CD1A: variants seen among roughly 807,000 people sequenced by gnomAD.
CD1A encodes the protein T-cell surface glycoprotein CD1a.
Under a neutral mutation model 38.3 loss-of-function variants are expected in CD1A, and 50 were observed. The ratio of observed to expected loss-of-function variants is 1.30; its 90% CI spans 1.04 to 1.65. The LOEUF (loss-of-function observed/expected upper bound fraction) is 1.65, where lower values mean the gene tolerates loss of function less well. Ranked by LOEUF, CD1A falls within the 40% of genes most tolerant of loss-of-function variation. CD1A has a pLI of 0.00. For synonymous variants in CD1A, 160 were observed against 150.8 expected (o/e 1.06, Z -0.45); for missense variants, 459 against 406.1 (o/e 1.13, Z -1.12).
At chr1:158,254,394 C>T (rs1315116874), upstream of CD1A, 93 of 1,288,664 alleles carry the variant, frequency 7.2e-5, no homozygotes, top group Non-Finnish European at 9.1e-5. Context: ...CAGACTTGTT[C>T]CATAGCAGTT....
intron 4 of CD1A, 90 bp downstream of exon 4, chr1:158,257,154 G>A (rs1650287565): frequency 6.9e-7 from 1 of 1,457,320 alleles, no homozygotes; most frequent in East Asian, 2.3e-5. Flanking sequence ...AGGATTTTAG[G>A]GATTATAGCC....
intron 3 of CD1A, 122 bp downstream of exon 3, chr1:158,256,404 C>T: frequency 1.0e-6 from 1 of 953,608 alleles, no homozygotes; most frequent in Non-Finnish European, 1.6e-6. Flanking sequence ...TGCAGTGCCT[C>T]ACATCTGTAA....
chr1:158,256,867 A>G lies in CD1A; in HGVS notation c.686A>G (p.Tyr229Cys), dbSNP rs764550515. ...LQLVCHVSGFYPKPVWVMWMR... is the reference protein window; with the variant it reads ...LQLVCHVSGFCPKPVWVMWMR... Reference sequence around the variant, plus strand: ...CTTGTGTGCCATGTCTCAGGATTCTACCCAAAGCCCGTGTGGGTGATGTGG... The same window carrying G: ...CTTGTGTGCCATGTCTCAGGATTCTGCCCAAAGCCCGTGTGGGTGATGTGG... Residue 229 changes from tyrosine (Y) to cysteine (C), a missense_variant, in exon 4 of 6, where the codon TAC becomes TGC. Tyr to Cys is a radical substitution (Grantham distance 194). Coordinates refer to ENST00000289429, the MANE Select transcript of CD1A (RefSeq NM_001763.3). The G allele has an allele frequency of 7.4e-6, 12 of 1,614,172 alleles. No individual in the cohort carries two copies. The highest frequency in any genetic ancestry group is 1.7e-5 in the Admixed American group (1 of 60,024).
At chr1:158,255,453 A>T (rs2269716) in intron 2 of CD1A, 103 bp downstream of exon 2, 98,507 of 1,232,952 alleles carry the variant, frequency 0.08, 6,646 homozygotes, top group East Asian at 0.34. Flanking sequence ...TCTGTATCTT[A>T]TTCTATTCTT....
chr1:158,256,188 T>A lies in CD1A; in HGVS notation c.510T>A (p.His170Gln). Reference protein sequence around the residue: ...HFCKVLNQNQHENDITHNLLS... With the variant: ...HFCKVLNQNQQENDITHNLLS... The stretch of plus-strand genomic sequence containing the variant: ...GCAAAGTGCTCAATCAGAATCAGCA[T>A]GAAAATGACATAACACACAATCTTC... The change falls in exon 3 of 6, where the codon CAT (histidine) becomes CAA (glutamine). Residue 170 changes from histidine (H) to glutamine (Q), a missense_variant. Coordinates refer to ENST00000289429, the MANE Select transcript of CD1A (RefSeq NM_001763.3). The A allele has an allele frequency of 6.2e-7, 1 of 1,614,178 alleles. No homozygotes were observed. The highest frequency in any genetic ancestry group is 8.5e-7 in the Non-Finnish European group (1 of 1,180,014).
At chr1:158,256,314 T>C (rs1230581525) in intron 3 of CD1A, 32 bp downstream of exon 3, 3 of 1,589,902 alleles carry the variant, frequency 1.9e-6, no homozygotes, top group East Asian at 2.2e-5. Flanking sequence ...CAAGAAGTTT[T>C]GATTTGAAAA....
rs1161444901 is a variant in CD1A at position 158,256,169 on chromosome 1, T to A, written c.491T>A (p.Val164Glu). 2 of 1,614,054 alleles carry A rather than the reference T, an allele frequency of 1.2e-6. No individual in the cohort carries two copies. The highest frequency in any genetic ancestry group is 1.7e-6 in the Non-Finnish European group (2 of 1,180,034). The change falls in exon 3 of 6, where the codon GTG (valine) becomes GAG (glutamate). Residue 164 changes from valine (V) to glutamate (E), a missense_variant. Transcript: ENST00000289429. ...AGNMAKHFCK[V>E]LNQNQHENDI... is the part of the protein sequence containing the mutation. ...AATATGGCCAAGCATTTCTGCAAAG[T>A]GCTCAATCAGAATCAGCATGAAAAT...
At chr1:158,255,963 T>C in intron 2 of CD1A, 41 bp from the exon 3 acceptor site, 2 of 1,569,454 alleles carry the variant, frequency 1.3e-6, no homozygotes, top group Non-Finnish European at 8.7e-7. Flanking sequence ...CATTTCATTT[T>C]ATATTTTTTT....
Position 158,256,098 on chromosome 1 carries a change from T to C in CD1A, c.420T>C (p.Phe140=), listed in dbSNP as rs1205908238. The C allele has an allele frequency of 2.5e-6, 4 of 1,614,076 alleles. No homozygotes were observed. The African/African-American group carries it at 5.3e-5, about 22-fold the overall frequency. ...AGTTAGCTTATCAAGGATCAGACTT[T>C]GTGAGCTTCCAGAACAATTCATGGT... ...FLQLAYQGSD[F]VSFQNNSWLP... Residue 140 remains phenylalanine, a synonymous_variant, in exon 3 of 6, where the codon TTT becomes TTC. Coordinates refer to ENST00000289429, the MANE Select transcript of CD1A (RefSeq NM_001763.3).
chr1:158,255,128 T>G lies in CD1A; in HGVS notation c.103T>G (p.Phe35Val), dbSNP rs768122492. The G allele has an allele frequency of 1.2e-6, 2 of 1,614,106 alleles. No individual in the cohort carries two copies. Among genetic ancestry groups the G allele is most frequent in the Non-Finnish European group, 8.5e-7 (1 of 1,180,006 alleles). Residue 35 changes from phenylalanine (F) to valine (V), a missense_variant, in exon 2 of 6, where the codon TTT (phenylalanine) becomes GTT (valine). Phe to Val is a conservative substitution (Grantham distance 50). Transcript: ENST00000289429. ...LSFHVTWIAS[F>V]YNHSWKQNLV... ...CTTCCATGTCACCTGGATCGCATCCTTTTACAACCATTCCTGGAAACAAAA... is the reference window on the plus strand; with the variant it reads ...CTTCCATGTCACCTGGATCGCATCCGTTTACAACCATTCCTGGAAACAAAA...
the CD1A span, chr1:158,248,545 T>TG: frequency 6.0e-6 from 2 of 330,972 alleles, no homozygotes; most frequent in Admixed American, 1.3e-4. Flanking sequence ...GACACCTGTC[T>TG]GATTGAGTTC....
At chr1:158,248,995 C>G in the CD1A span, among the ~76,000 whole-genome samples, 1 of 152,246 alleles carries the variant, frequency 6.6e-6, no homozygotes, top group African/African-American at 2.4e-5. Context: ...CTCCACTTCT[C>G]TTTCCAATCT....
At chr1:158,251,697 A>C (rs996141031), upstream of CD1A, among the ~76,000 whole-genome samples, 3 of 152,066 alleles carry the variant, frequency 2.0e-5, no homozygotes, top group African/African-American at 7.2e-5. Flanking sequence ...TTTGTCATGT[A>C]AGTGTTCCTG....
In CD1A at chr1:158,257,853, C is replaced by A. The variant is rs1414036274; in HGVS notation, c.*163C>A. The A allele has an allele frequency of 1.5e-6, 1 of 652,716 alleles. No homozygotes were observed. The highest frequency in any genetic ancestry group is 2.6e-5 in the East Asian group (1 of 39,118). The allele number at this position is 652,716 out of a possible 1,614,324, so 40.4% of individuals were successfully genotyped here. ...TTGTTTCTGATTAATGATTGTTTGTCAATATAAGCTCAATTTAATTTTGCA... is the reference window on the plus strand; with the variant it reads ...TTGTTTCTGATTAATGATTGTTTGTAAATATAAGCTCAATTTAATTTTGCA... On this transcript the variant is annotated 3_prime_UTR_variant, in exon 6 of 6. Transcript: ENST00000289429.
chr1:158,256,804 T>G lies in CD1A; in HGVS notation c.623T>G (p.Leu208Arg). 6.2e-7 allele frequency: 1 copy of G among 1,614,152 alleles called. No individual in the cohort carries two copies. Among genetic ancestry groups the G allele is most frequent in the East Asian group, 2.2e-5 (1 of 44,882 alleles). Residue 208 changes from leucine to arginine, a missense_variant, in exon 4 of 6, where the codon CTG (leucine) becomes CGG (arginine). Physicochemically the swap from Leu to Arg is moderately radical, Grantham distance 102 (BLOSUM62 -2). Transcript: ENST00000289429. Reference protein sequence around the residue: ...LQRQVKPEAWLSHGPSPGPGH... With the variant: ...LQRQVKPEAWRSHGPSPGPGH... ...TTTGCAGTGAAGCCCGAGGCCTGGC[T>G]GTCCCATGGCCCCAGTCCTGGCCCT... is the stretch of plus-strand genomic sequence containing the variant.
Position 158,255,132 on chromosome 1 carries a change from A to ACAAC in CD1A, c.110_113dup (p.His38GlnfsTer15). The ACAAC allele has an allele frequency of 6.2e-7, 1 of 1,614,020 alleles. No homozygotes were observed. The highest frequency in any genetic ancestry group is 2.2e-5 in the East Asian group (1 of 44,874). On this transcript the variant is annotated frameshift_variant, in exon 2 of 6. Transcript: ENST00000289429. LOFTEE classifies it high-confidence loss of function. ...CATGTCACCTGGATCGCATCCTTTTACAACCATTCCTGGAAACAAAATCTG... is the reference window on the plus strand; with the variant it reads ...CATGTCACCTGGATCGCATCCTTTTACAACCAACCATTCCTGGAAACAAAATCTG...
Position 158,257,930 on chromosome 1 carries a change from T to C in CD1A, c.*240T>C. 1 of 520,186 alleles carries C rather than the reference T, an allele frequency of 1.9e-6. No homozygotes were observed. The allele number at this position is 520,186 out of a possible 1,614,324, so 32.2% of individuals were successfully genotyped here. ...GGGACTTTTAAATTCAAATTTTATC[T>C]CCAGATGGAATGGGGTCCTAGCAAC... On this transcript the variant is annotated 3_prime_UTR_variant, in exon 6 of 6. Coordinates refer to ENST00000289429, the MANE Select transcript of CD1A (RefSeq NM_001763.3).
chr1:158,252,053 A>G (rs1336857508), upstream of CD1A, among the ~76,000 whole-genome samples: 1 of 150,894 alleles, frequency 6.6e-6, no homozygotes, highest in African/African-American at 2.4e-5. Flanking sequence ...TTGGTCTCGA[A>G]CTCCTGACCT....
intron 1 of CD1A, among the ~76,000 whole-genome samples, 168 bp downstream of exon 1, chr1:158,254,895 G>A (rs1650192965): frequency 6.6e-6 from 1 of 150,734 alleles, no homozygotes; most frequent in African/African-American, 2.4e-5. Flanking sequence ...GACTATCCAT[G>A]ACTCCAGGTC....
Sources: gnomAD v4.1 joint callset for allele counts (sites outside exome capture counted in the v4.1 genomes callset) on GRCh38, gnomAD v4.1.1 for gene constraint, MANE v1.5 for transcripts, NCBI Gene and HGNC (gene_info 2026-07-23, HGNC 2026-07-21) for gene names.